Variants in HERC3 observed in about 807,000 individuals in gnomAD.
HERC3 encodes HECT and RLD domain containing E3 ubiquitin protein ligase 3.
HERC3 carries 58 observed loss-of-function variants against 129.9 expected under a neutral mutation model. That is an observed-to-expected ratio of 0.45 (90% confidence interval 0.36 to 0.56). HERC3 has a LOEUF of 0.56. HERC3 is among the 20% of genes least tolerant of loss of function. The pLI, the probability that HERC3 is intolerant of heterozygous loss-of-function variation, is 0.00. For synonymous variants in HERC3, 430 were observed against 451.0 expected (o/e 0.95, Z 0.59); for missense variants, 835 against 1,244.2 (o/e 0.67, Z 4.95).
chr4:88,576,001 T>C, the HERC3 span, among the ~76,000 whole-genome samples: 5 of 152,336 alleles, frequency 3.3e-5, no homozygotes, highest in South Asian at 6.2e-4. Flanking sequence ...CCTTCCTCAA[T>C]CGTTTTGACC....
Position 88,669,943 on chromosome 4 carries a change from G to A in HERC3, c.1717G>A (p.Gly573Arg). 1 of 1,613,632 alleles carries A rather than the reference G, an allele frequency of 6.2e-7. No homozygotes were observed. The highest frequency in any genetic ancestry group is 8.5e-7 in the Non-Finnish European group (1 of 1,179,690). ...YKGAVLYLLR[G>R]RKTFLIPVLF... ...AGGTGCAGTCCTTTATCTACTGAGG[G>A]GAAGAAAGACATTCTTAATTCCCGT... The change falls in exon 15 of 26, where the codon GGA becomes AGA. Residue 573 changes from glycine (G) to arginine (R), a missense_variant. Coordinates refer to ENST00000402738, the MANE Select transcript of HERC3 (RefSeq NM_014606.3).
intron 3 of HERC3, among the ~76,000 whole-genome samples, chr4:88,617,085 C>T (rs1724978897): frequency 6.7e-6 from 1 of 149,850 alleles, no homozygotes; most frequent in Non-Finnish European, 1.5e-5. Flanking sequence ...ATATTTTTCT[C>T]CTTTAGTACG....
chr4:88,669,546 T>C (rs1207794609), intron 14 of HERC3, among the ~76,000 whole-genome samples: 3 of 152,182 alleles, frequency 2.0e-5, no homozygotes, highest in African/African-American at 7.2e-5. Flanking sequence ...ATTAATACAT[T>C]GGGCATCACT....
At chr4:88,608,606 A>G (rs1254189339) in intron 3 of HERC3, among the ~76,000 whole-genome samples, 1 of 152,246 alleles carries the variant, frequency 6.6e-6, no homozygotes, top group Non-Finnish European at 1.5e-5. Flanking sequence ...TACAACTACC[A>G]TGGAGGTGGC....
chr4:88,649,521 A>G (rs767962646), intron 3 of HERC3, among the ~76,000 whole-genome samples: 103 of 152,266 alleles, frequency 6.8e-4, no homozygotes, highest in South Asian at 4.1e-4. Context: ...TGGATGGAAC[A>G]TCTCCAAATA....
At chr4:88,622,103 T>C (rs1209024661) in intron 3 of HERC3, among the ~76,000 whole-genome samples, 1 of 152,236 alleles carries the variant, frequency 6.6e-6, no homozygotes, top group Non-Finnish European at 1.5e-5. Context: ...AACATTTTCA[T>C]CTCTTCAAAA....
chr4:88,630,602 G>A (rs1166112048), intron 3 of HERC3, among the ~76,000 whole-genome samples: 1 of 152,214 alleles, frequency 6.6e-6, no homozygotes, highest in Non-Finnish European at 1.5e-5. Flanking sequence ...AAGCATTCAT[G>A]ATAGCATGTG....
intron 23 of HERC3, among the ~76,000 whole-genome samples, chr4:88,701,012 C>G (rs1488521284): frequency 2.6e-5 from 4 of 152,198 alleles, no homozygotes; most frequent in African/African-American, 4.8e-5. Flanking sequence ...AACATCCAGA[C>G]TGGTGTTTGA....
At chr4:88,680,891 A>T (rs1732704960) in intron 20 of HERC3, 1 of 335,158 alleles carries the variant, frequency 3.0e-6, no homozygotes, top group Non-Finnish European at 4.2e-6. Context: ...ATGTTTCTAT[A>T]ATGGCTGAAA....
intron 3 of HERC3, among the ~76,000 whole-genome samples, chr4:88,613,182 A>G (rs1341761377): frequency 6.6e-6 from 1 of 152,214 alleles, no homozygotes; most frequent in Non-Finnish European, 1.5e-5. Flanking sequence ...AGTGTAATCT[A>G]ATTTGACTCT....
chr4:88,569,519 C>T, the HERC3 span, among the ~76,000 whole-genome samples: 1 of 152,368 alleles, frequency 6.6e-6, no homozygotes, highest in African/African-American at 2.4e-5. Context: ...AAGATGATCA[C>T]TGGAGGCTTC....
At chr4:88,692,977 T>C (rs910487917) in intron 23 of HERC3, 1 of 981,898 alleles carries the variant, frequency 1.0e-6, no homozygotes, top group African/African-American at 1.8e-5. Flanking sequence ...AGCAAAATTG[T>C]AATAGTTAAA....
chr4:88,588,048 T>C (rs1721575757), upstream of HERC3, among the ~76,000 whole-genome samples: 1 of 152,238 alleles, frequency 6.6e-6, no homozygotes, highest in African/African-American at 2.4e-5. Context: ...TGTTCAACCA[T>C]CCAATCCTGT....
At chr4:88,660,059 C>G (rs1319078055) in intron 10 of HERC3, among the ~76,000 whole-genome samples, 2 of 152,160 alleles carry the variant, frequency 1.3e-5, no homozygotes, top group Non-Finnish European at 2.9e-5. Flanking sequence ...GTTGCTCTTT[C>G]TTTTGAAACT....
the HERC3 span, among the ~76,000 whole-genome samples, chr4:88,582,740 G>T: frequency 6.6e-6 from 1 of 151,882 alleles, no homozygotes; most frequent in Non-Finnish European, 1.5e-5. Flanking sequence ...ACCTTTGTTC[G>T]CAGTGCAGTT....
chr4:88,697,338 C>T (rs758239321), intron 23 of HERC3: 1 of 1,613,928 alleles, frequency 6.2e-7, no homozygotes, highest in Non-Finnish European at 8.5e-7. Flanking sequence ...CCTCTTCCTC[C>T]TCCTCCTCCC....
At chr4:88,698,652 G>T (rs181181094) in intron 23 of HERC3, among the ~76,000 whole-genome samples, 24 of 148,946 alleles carry the variant, frequency 1.6e-4, no homozygotes, top group Middle Eastern at 3.5e-3. Flanking sequence ...ATCCCACCCC[G>T]CTCACATTCG....
chr4:88,637,746 T>A (rs1262269481), intron 3 of HERC3, among the ~76,000 whole-genome samples: 1 of 151,784 alleles, frequency 6.6e-6, no homozygotes, highest in African/African-American at 2.4e-5. Flanking sequence ...ATAACTAAGA[T>A]CAGAGCGGAA....
chr4:88,574,453 AC>A, the HERC3 span, among the ~76,000 whole-genome samples: 1 of 152,196 alleles, frequency 6.6e-6, no homozygotes, highest in Non-Finnish European at 1.5e-5. Context: ...TACCATCTTA[AC>A]CATTTTAAAG....
Sources: allele counts gnomAD v4.1 joint callset (sites outside exome capture counted in the v4.1 genomes callset), GRCh38; gene constraint gnomAD v4.1.1; transcripts MANE v1.5; gene names NCBI Gene and HGNC (gene_info 2026-07-23, HGNC 2026-07-21).